LRPPRC: variants seen among roughly 807,000 people sequenced by gnomAD.
LRPPRC encodes leucine rich pentatricopeptide repeat containing, also known as leucine-rich PPR motif-containing protein, mitochondrial.
A neutral mutation model predicts 180.3 loss-of-function variants in LRPPRC; 120 were observed. The observed-to-expected ratio is 0.67, with a 90% CI of 0.57 to 0.77. The LOEUF is 0.77. Ranked by LOEUF, LRPPRC falls within the 30% of genes least tolerant of loss-of-function variation. The pLI is 0.00. For synonymous variants in LRPPRC, 723 were observed against 600.0 expected (o/e 1.21, Z -3.00); for missense variants, 2,012 against 1,657.2 (o/e 1.21, Z -3.72).
At chr2:43,932,123 CAAAAAAAAAA>C (rs746600862) in intron 25 of LRPPRC, among the ~76,000 whole-genome samples, 35 of 20,858 alleles carry the variant, frequency 1.7e-3, no homozygotes, top group Admixed American at 7.6e-3. Context: ...GACCCTGTCT[CAAAAAAAAAA>C]AAAAAAAAAA....
chr2:43,928,283 G>A (rs1171771410), intron 25 of LRPPRC, among the ~76,000 whole-genome samples: 1 of 152,104 alleles, frequency 6.6e-6, no homozygotes, highest in Non-Finnish European at 1.5e-5. Context: ...ACACTCTGAT[G>A]TAAATTTACC....
intron 34 of LRPPRC, among the ~76,000 whole-genome samples, chr2:43,898,634 C>G (rs1670774028): frequency 6.6e-6 from 1 of 152,116 alleles, no homozygotes; most frequent in African/African-American, 2.4e-5. Context: ...CTGAAGGTTG[C>G]TAATTTAACT....
At chr2:43,951,353 T>C (rs1672894862) in intron 14 of LRPPRC, among the ~76,000 whole-genome samples, 1 of 152,172 alleles carries the variant, frequency 6.6e-6, no homozygotes, top group Admixed American at 6.5e-5. Flanking sequence ...GCCTACCACA[T>C]TTGAAAAACA....
At chr2:43,948,377 G>A (rs1046681279) in intron 17 of LRPPRC, 35 bp downstream of exon 17, 2 of 1,254,678 alleles carry the variant, frequency 1.6e-6, no homozygotes, top group African/African-American at 2.9e-5. Flanking sequence ...ATGTCAGGCA[G>A]GACAGGCATT....
intron 29 of LRPPRC, among the ~76,000 whole-genome samples, chr2:43,915,185 G>T (rs1002754419): frequency 9.0e-6 from 1 of 111,224 alleles, no homozygotes; most frequent in African/African-American, 2.9e-5. Flanking sequence ...TCCGGCCTGG[G>T]CAACAGAACA....
intron 36 of LRPPRC, chr2:43,890,213 T>C: frequency 2.4e-6 from 1 of 408,558 alleles, no homozygotes; most frequent in South Asian, 2.1e-5. Context: ...AGTTATAAAA[T>C]AATACACACC....
chr2:43,982,470 C>G (rs746194991), intron 1 of LRPPRC, 36 bp from the exon 2 acceptor site: 3 of 1,497,128 alleles, frequency 2.0e-6, no homozygotes, highest in Non-Finnish European at 2.8e-6. Flanking sequence ...TAATCAGTTG[C>G]TATCTATTTA....
intron 11 of LRPPRC, among the ~76,000 whole-genome samples, chr2:43,971,153 T>C (rs1353004347): frequency 6.6e-6 from 1 of 152,018 alleles, no homozygotes; most frequent in African/African-American, 2.4e-5. Context: ...CAACTGGCAT[T>C]TGGGCTTTCT....
At chr2:43,994,392 A>G (rs758365659) in intron 1 of LRPPRC, among the ~76,000 whole-genome samples, 35 of 152,240 alleles carry the variant, frequency 2.3e-4, no homozygotes, top group South Asian at 2.1e-4. Context: ...CGTAGATATT[A>G]TGACTCCTGT....
intron 14 of LRPPRC, 37 bp from the exon 15 acceptor site, chr2:43,950,637 G>C: frequency 6.4e-7 from 1 of 1,553,274 alleles, no homozygotes; most frequent in Admixed American, 1.7e-5. Flanking sequence ...ATAAACCCAG[G>C]TTTATTTTCA....
At chr2:43,962,536 T>C (rs1321528249) in intron 12 of LRPPRC, among the ~76,000 whole-genome samples, 1 of 152,226 alleles carries the variant, frequency 6.6e-6, no homozygotes, top group East Asian at 1.9e-4. Context: ...ACAGCACTTT[T>C]TGTTTTGTTT....
Position 43,893,944 on chromosome 2 carries a change from A to G in LRPPRC, c.3985+601T>C, listed in dbSNP as rs369791608. Among the ~76,000 whole-genome samples the G allele has an allele frequency of 4.7e-4, 72 of 152,288 alleles. 1 individual carries two copies. The South Asian group carries it at 5.4e-3, about 11-fold the overall frequency. On this transcript the variant is annotated intron_variant, in intron 36 of 37. Transcript: ENST00000260665. ...GTGGGCCACAGATGGAGAGGTGATC[A>G]TGATTGAGAAATGCTAACATTTATT...
At chr2:43,909,677 G>T (rs1048355618) in intron 30 of LRPPRC, among the ~76,000 whole-genome samples, 3 of 151,230 alleles carry the variant, frequency 2.0e-5, no homozygotes, top group African/African-American at 7.3e-5. Flanking sequence ...CTCTGGAAGG[G>T]GAAGGATATG....
At chr2:43,964,659 AT>A (rs1673480432) in intron 11 of LRPPRC, among the ~76,000 whole-genome samples, 2 of 152,310 alleles carry the variant, frequency 1.3e-5, no homozygotes, top group East Asian at 3.9e-4. Context: ...TACATTATAA[AT>A]ACCTGCACAT....
chr2:43,891,080 T>C (rs1572884980), intron 36 of LRPPRC, among the ~76,000 whole-genome samples: 1 of 152,212 alleles, frequency 6.6e-6, no homozygotes, highest in African/African-American at 2.4e-5. Flanking sequence ...CATCAGCTCT[T>C]AGTGGAGTTG....
At chr2:43,933,814 C>A (rs1672176864) in intron 25 of LRPPRC, among the ~76,000 whole-genome samples, 1 of 152,166 alleles carries the variant, frequency 6.6e-6, no homozygotes. Context: ...GCATGGTCTG[C>A]AGCAAATTAA....
At chr2:43,898,169 T>A (rs1670757473) in intron 34 of LRPPRC, among the ~76,000 whole-genome samples, 1 of 150,518 alleles carries the variant, frequency 6.6e-6, no homozygotes, top group East Asian at 2.0e-4. Flanking sequence ...GCAACAAAAG[T>A]AAGAGTCTGA....
intron 11 of LRPPRC, among the ~76,000 whole-genome samples, chr2:43,968,269 C>T (rs1280207886): frequency 6.6e-6 from 1 of 152,196 alleles, no homozygotes; most frequent in Non-Finnish European, 1.5e-5. Flanking sequence ...CGCTTTTACA[C>T]ATATTCCTTT....
chr2:43,940,314 T>G (rs1322972156), intron 23 of LRPPRC, among the ~76,000 whole-genome samples: 1 of 152,188 alleles, frequency 6.6e-6, no homozygotes, highest in Non-Finnish European at 1.5e-5. Flanking sequence ...ATGAAGATGC[T>G]AAAATTGAAG....
Sources: gnomAD v4.1 joint callset for allele counts (sites outside exome capture counted in the v4.1 genomes callset) on GRCh38, gnomAD v4.1.1 for gene constraint, MANE v1.5 for transcripts, NCBI Gene and HGNC (gene_info 2026-07-23, HGNC 2026-07-21) for gene names.